The following MBD1 variants were observed in gnomAD, a reference collection of about 807,000 sequenced individuals.
MBD1 encodes the protein methyl-CpG-binding domain protein 1.
A neutral mutation model predicts 82.6 loss-of-function variants in MBD1; 25 were observed. The ratio of observed to expected loss-of-function variants is 0.30; its 90% confidence interval spans 0.22 to 0.42. The LOEUF (loss-of-function observed/expected upper bound fraction) is 0.42, where lower values mean the gene tolerates loss of function less well. Ranked by LOEUF, MBD1 falls within the 10% of genes least tolerant of loss-of-function variation. The probability of loss-of-function intolerance (pLI) is 1.00; values close to 1 mark genes in which losing one functional copy is unlikely to be tolerated. For synonymous variants in MBD1, 301 were observed against 303.7 expected (o/e 0.99, Z 0.09); for missense variants, 627 against 819.6 (o/e 0.76, Z 2.87).
Position 50,274,957 on chromosome 18 carries a change from G to C in MBD1, c.978+20C>G. 6.2e-7 allele frequency: 1 copy of C among 1,613,584 alleles called. No homozygotes were observed. Among genetic ancestry groups the C allele is most frequent in the Non-Finnish European group, 8.5e-7 (1 of 1,179,456 alleles). On this transcript the variant is annotated intron_variant, in intron 10 of 16. Coordinates refer to ENST00000269468, the MANE Select transcript of MBD1 (RefSeq NM_015846.4). ...CGTCCTGAGATTCTAGGCTTATCCAGGTAGGGTGGGGCCACTCACTAGCTC... is the reference window on the plus strand; with the variant it reads ...CGTCCTGAGATTCTAGGCTTATCCACGTAGGGTGGGGCCACTCACTAGCTC...
At chr18:50,267,016 G>A, downstream of MBD1, 1 of 156,788 alleles carries the variant, frequency 6.4e-6, no homozygotes, top group Admixed American at 6.2e-5. Flanking sequence ...ATGGCTCCCT[G>A]CAGCCTCGTC....
At chr18:50,270,268 G>C (rs1316164211) in intron 16 of MBD1, 2 of 987,290 alleles carry the variant, frequency 2.0e-6, no homozygotes, top group Non-Finnish European at 1.6e-6. Context: ...TAAGGCAAGG[G>C]AGGCACACAG....
chr18:50,274,869 T>A (rs761989546), intron 10 of MBD1, 108 bp downstream of exon 10: 1 of 1,132,614 alleles, frequency 8.8e-7, no homozygotes, highest in African/African-American at 1.5e-5. Context: ...TAGGACCCAT[T>A]ATTGTGCCTT....
intron 16 of MBD1, chr18:50,270,027 TA>T: frequency 1.3e-6 from 2 of 1,598,242 alleles, no homozygotes; most frequent in South Asian, 2.2e-5. Flanking sequence ...GTCAATCAAA[TA>T]AATTTCATAT....
At chr18:50,271,169 G>C in intron 16 of MBD1, 2 of 1,228,332 alleles carry the variant, frequency 1.6e-6, no homozygotes, top group East Asian at 8.3e-5. Flanking sequence ...GCTTGTTTAG[G>C]TTGTTTTGTG....
At position 50,272,679 on chromosome 18, in the gene MBD1, T is replaced by C. The variant is rs2146148535; in HGVS notation, c.1776A>G (p.Pro592=). The change falls in exon 15 of 17, where the codon CCA becomes CCG. Residue 592 remains proline, a splice_region_variant and synonymous_variant. Coordinates refer to ENST00000269468, the MANE Select transcript of MBD1 (RefSeq NM_015846.4). The stretch of plus-strand genomic sequence containing the variant: ...ACCCCTCACTGTGTGGGGCACACCT[T>C]GGCAACCAGACTGCTGTATCTCGGA... ...TRFRDTAVWL[P]RSKDLKKPGA... 3 of 1,614,026 alleles carry C rather than the reference T, an allele frequency of 1.9e-6. No individual in the cohort carries two copies. The highest frequency in any genetic ancestry group is 2.2e-5 in the East Asian group (1 of 44,866).
chr18:50,276,266 T>G (rs1341838163), intron 6 of MBD1, 112 bp downstream of exon 6: 1 of 1,149,354 alleles, frequency 8.7e-7, no homozygotes. Context: ...GAGAGCACCC[T>G]ATAAAATGAC....
Position 50,274,797 on chromosome 18 carries a change from T to C in MBD1, c.978+180A>G, listed in dbSNP as rs1043451306. 4.6e-5 allele frequency among the ~76,000 whole-genome samples: 7 copies of C among 152,236 alleles called. No homozygotes were observed. The East Asian group carries it at 5.8e-4, about 13-fold the overall frequency. On this transcript the variant is annotated intron_variant, in intron 10 of 16. Transcript: ENST00000269468. Reference sequence around the variant, plus strand: ...TACCAGAGTGTTGGTATATGTGACATGAAGCACTCTCATGCACCTGCTGAC... The same window carrying C: ...TACCAGAGTGTTGGTATATGTGACACGAAGCACTCTCATGCACCTGCTGAC...
At chr18:50,274,673 ACTCT>A (rs1016437416) in intron 10 of MBD1, among the ~76,000 whole-genome samples, 1 of 152,040 alleles carries the variant, frequency 6.6e-6, no homozygotes, top group Non-Finnish European at 1.5e-5. Flanking sequence ...CATTTTGATA[ACTCT>A]CTATTAGCTC....
chr18:50,279,216 T>C (rs1356295558), intron 2 of MBD1, among the ~76,000 whole-genome samples: 2 of 152,262 alleles, frequency 1.3e-5, no homozygotes, highest in African/African-American at 2.4e-5. Context: ...CTATGCTTTA[T>C]TGATCGTCAT....
upstream of MBD1, chr18:50,281,663 C>G (rs561722888): frequency 1.1e-4 from 49 of 436,614 alleles, no homozygotes; most frequent in Non-Finnish European, 1.7e-4. Flanking sequence ...CGCGCGCCCC[C>G]CTGCCGAGAG....
At chr18:50,276,241 G>A in intron 6 of MBD1, 137 bp downstream of exon 6, 2 of 923,970 alleles carry the variant, frequency 2.2e-6, no homozygotes, top group Non-Finnish European at 3.5e-6. Context: ...CCATTATTGT[G>A]TCTGCTGACC....
rs1405755517 is a variant in MBD1, at chr18:50,281,208, TCCC to T, written c.-26+152_-26+154del. The stretch of plus-strand genomic sequence containing the variant: ...CATTCCTTCCCGTCCTCAGCCTAAA[TCCC>T]CCCATTTCTCCTCGTCAGTATTCCG... On this transcript the variant is annotated intron_variant, in intron 1 of 16. Transcript: ENST00000269468. 7 of 1,533,178 alleles carry T rather than the reference TCCC, an allele frequency of 4.6e-6. No individual in the cohort carries two copies. In the East Asian group the frequency reaches 9.8e-5, roughly 21 times the overall value. The allele number at this position is 1,533,178 out of a possible 1,614,324, so 95.0% of individuals were successfully genotyped here.
downstream of MBD1, among the ~76,000 whole-genome samples, chr18:50,268,313 T>C (rs1473060388): frequency 6.6e-6 from 1 of 152,268 alleles, no homozygotes; most frequent in East Asian, 1.9e-4. Context: ...TCGGAATTTC[T>C]GAGGCGATGG....
intron 15 of MBD1, among the ~76,000 whole-genome samples, 178 bp from the exon 16 acceptor site, chr18:50,271,718 A>T (rs777755625): frequency 9.2e-5 from 14 of 152,202 alleles, no homozygotes; most frequent in Non-Finnish European, 1.6e-4. Flanking sequence ...TAGTCAGATT[A>T]TAAGCTCCCT....
In MBD1 at chr18:50,279,915, G is replaced by T. The variant is rs752032079; in HGVS notation, c.78C>A (p.Ala26=). 6.2e-7 allele frequency: 1 copy of T among 1,613,920 alleles called. No homozygotes were observed. The highest frequency in any genetic ancestry group is 1.1e-5 in the South Asian group (1 of 91,078). The change falls in exon 2 of 17, where the codon GCC becomes GCA. Residue 26 remains alanine, a synonymous_variant. Coordinates refer to ENST00000269468, the MANE Select transcript of MBD1 (RefSeq NM_015846.4). ...KRREVFRKSG[A]TCGRSDTYYQ... is the part of the protein sequence containing the mutation. The stretch of plus-strand genomic sequence containing the variant: ...AATAGGTGTCTGAGCGTCCACAGGT[G>T]GCCCCTGACTTGCGAAAGACTTCGC...
intron 2 of MBD1, among the ~76,000 whole-genome samples, chr18:50,278,818 G>A (rs138623396): frequency 1.3e-5 from 2 of 152,202 alleles, no homozygotes; most frequent in African/African-American, 4.8e-5. Flanking sequence ...TTTTGTGTGT[G>A]TTTCTGTTTA....
At chr18:50,281,690 G>A (rs1303300225), upstream of MBD1, 4 of 422,714 alleles carry the variant, frequency 9.5e-6, no homozygotes, top group African/African-American at 2.0e-5. Context: ...GCATCTGCGT[G>A]CTGACGTTCA....
rs199727558 is a variant in MBD1 at position 50,273,601 on chromosome 18, G to A, written c.1409C>T (p.Pro470Leu). Residue 470 changes from proline (P) to leucine (L), a missense_variant, in exon 12 of 17, where the codon CCG (proline) becomes CTG (leucine). This residue lies in a region of MBD1 where 265 missense variants were observed against 278.4 expected (regional missense o/e 0.95). Coordinates refer to ENST00000269468, the MANE Select transcript of MBD1 (RefSeq NM_015846.4). Reference sequence around the variant, plus strand: ...TTCTGTGGAAGCTGCAACAGGGCCCGGCACCTGCACAGGACTGCTTGCGCC... The same window carrying A: ...TTCTGTGGAAGCTGCAACAGGGCCCAGCACCTGCACAGGACTGCTTGCGCC... Reference protein sequence around the residue: ...REGASSPVQVPGPVAASTEAL... With the variant: ...REGASSPVQVLGPVAASTEAL... 1.6e-5 allele frequency: 26 copies of A among 1,613,020 alleles called. No homozygotes were observed. The highest frequency in any genetic ancestry group is 1.6e-4 in the Middle Eastern group (1 of 6,062).
Sources: allele counts gnomAD v4.1 joint callset (sites outside exome capture counted in the v4.1 genomes callset), GRCh38; gene constraint gnomAD v4.1.1; regional missense constraint gnomAD v4.1.1; transcripts MANE v1.5; gene names NCBI Gene and HGNC (gene_info 2026-07-23, HGNC 2026-07-21).